Variants in SPRY3 observed in about 807,000 individuals in gnomAD.
SPRY3 encodes the protein protein sprouty homolog 3.
A neutral mutation model predicts 20.2 loss-of-function variants in SPRY3; 15 were observed. That is an observed-to-expected ratio of 0.74 (90% confidence interval 0.50 to 1.14). SPRY3 has a LOEUF of 1.14. SPRY3 is among the 50% of genes most tolerant of loss of function. SPRY3 has a pLI of 0.00. For synonymous variants in SPRY3, 143 were observed against 136.5 expected, an observed-to-expected ratio of 1.05 and a Z score of -0.33; for missense variants, 364 against 363.9, an observed-to-expected ratio of 1.00 and a Z score of 0.00.
chrX:155,766,550 C>T (rs2091331578), intron 2 of SPRY3, among the ~76,000 whole-genome samples: 1 of 152,158 alleles, frequency 6.6e-6, no homozygotes. Flanking sequence ...TGGCCAAGCT[C>T]CTGCCACTTG....
chrX:155,751,283 G>A (rs993607842), intron 2 of SPRY3, among the ~76,000 whole-genome samples: 4 of 151,874 alleles, frequency 2.6e-5, no homozygotes, highest in African/African-American at 9.7e-5. Flanking sequence ...CCACAGCACT[G>A]CCCTGATAAG....
chrX:155,733,450 C>A (rs1272366828), intron 2 of SPRY3, among the ~76,000 whole-genome samples: 1 of 149,670 alleles, frequency 6.7e-6, no homozygotes, highest in African/African-American at 2.5e-5. Context: ...TACTATGTAC[C>A]CACAAAAATT....
exon 4 of SPRY3, chrX:155,773,940 T>C (rs1256755774): frequency 6.2e-7 from 1 of 1,613,864 alleles, no homozygotes; most frequent in African/African-American, 1.3e-5. Context: ...CTACTCATGC[T>C]AGCAATGACT....
chrX:155,780,840 A>C (rs1240302688), downstream of SPRY3: 1 of 167,036 alleles, frequency 6.0e-6, no homozygotes, highest in Non-Finnish European at 1.5e-5. Context: ...GGGAAGTAAT[A>C]GTAAATGTGG....
At chrX:155,741,502 A>G (rs1214506650) in intron 2 of SPRY3, among the ~76,000 whole-genome samples, 1 of 152,080 alleles carries the variant, frequency 6.6e-6, no homozygotes, top group Non-Finnish European at 1.5e-5. Flanking sequence ...AATCCAGAGA[A>G]CCCCAGTAAG....
intron 2 of SPRY3, among the ~76,000 whole-genome samples, chrX:155,671,795 C>A (rs2068041650): frequency 9.0e-6 from 1 of 111,295 alleles, no homozygotes; most frequent in Non-Finnish European, 1.9e-5. Context: ...ATATTTAAGT[C>A]TTTAATCCAT....
chrX:155,769,798 G>C (rs1289411228), intron 3 of SPRY3, among the ~76,000 whole-genome samples: 2 of 152,208 alleles, frequency 1.3e-5, no homozygotes, highest in African/African-American at 2.4e-5. Flanking sequence ...GTTAAATGTG[G>C]TGAGAACCTG....
At chrX:155,617,591 G>A (rs1557349020) in intron 1 of SPRY3, among the ~76,000 whole-genome samples, 1 of 111,579 alleles carries the variant, frequency 9.0e-6, no homozygotes, top group East Asian at 2.8e-4. Flanking sequence ...TCAGAGCTCA[G>A]GGTAGCAGAA....
At chrX:155,621,788 A>G (rs2067871750) in intron 1 of SPRY3, among the ~76,000 whole-genome samples, 1 of 111,664 alleles carries the variant, frequency 9.0e-6, no homozygotes, top group African/African-American at 3.3e-5. Flanking sequence ...CAAGAGACTC[A>G]ATATATCTGG....
intron 2 of SPRY3, among the ~76,000 whole-genome samples, chrX:155,684,492 A>G (rs1324856245): frequency 8.9e-6 from 1 of 112,053 alleles, no homozygotes; most frequent in Non-Finnish European, 1.9e-5. Context: ...TACTAATTCA[A>G]TTGGAATGTA....
intron 2 of SPRY3, among the ~76,000 whole-genome samples, chrX:155,718,766 C>A (rs1318296341): frequency 6.6e-6 from 1 of 151,950 alleles, no homozygotes; most frequent in Non-Finnish European, 1.5e-5. Context: ...AGTATAAGAT[C>A]ATTTAAAAAA....
chrX:155,625,861 A>G (rs1557349901), intron 1 of SPRY3, among the ~76,000 whole-genome samples: 1 of 111,452 alleles, frequency 9.0e-6, no homozygotes, highest in African/African-American at 3.3e-5. Flanking sequence ...ACTGAGCATA[A>G]TGTTTTTAAG....
At chrX:155,682,754 T>C (rs1024026076) in intron 2 of SPRY3, among the ~76,000 whole-genome samples, 1 of 112,078 alleles carries the variant, frequency 8.9e-6, no homozygotes, top group African/African-American at 3.2e-5. Flanking sequence ...CATTTTTTAA[T>C]GCTACCGCTG....
chrX:155,736,182 T>C (rs2091168077), intron 2 of SPRY3, among the ~76,000 whole-genome samples: 1 of 152,166 alleles, frequency 6.6e-6, no homozygotes, highest in Non-Finnish European at 1.5e-5. Flanking sequence ...ATCATTGCTC[T>C]TATTATTTTG....
At chrX:155,669,609 A>G (rs2068034262) in intron 2 of SPRY3, 1 of 111,727 alleles carries the variant, frequency 9.0e-6, no homozygotes, top group Non-Finnish European at 1.9e-5. Flanking sequence ...AAAATAAGCT[A>G]TAATGAGCAA....
At chrX:155,665,468 TGAA>T (rs2068021807) in intron 2 of SPRY3, among the ~76,000 whole-genome samples, 1 of 110,904 alleles carries the variant, frequency 9.0e-6, no homozygotes, top group Admixed American at 9.6e-5. Context: ...ATCAGAGAAA[TGAA>T]GAAAAAAGCT....
chrX:155,646,320 G>T (rs1266983207), intron 1 of SPRY3, among the ~76,000 whole-genome samples: 2 of 111,965 alleles, frequency 1.8e-5, no homozygotes, highest in Non-Finnish European at 3.8e-5. Flanking sequence ...TTCTATTTCT[G>T]TAAAAAATGT....
intron 2 of SPRY3, among the ~76,000 whole-genome samples, chrX:155,743,028 A>C (rs1004911566): frequency 6.6e-5 from 10 of 152,234 alleles, no homozygotes; most frequent in African/African-American, 2.2e-4. Context: ...CAACAAAACC[A>C]GGAGCTGGTT....
At chrX:155,733,706 A>T (rs1376400600) in intron 2 of SPRY3, among the ~76,000 whole-genome samples, 2 of 152,094 alleles carry the variant, frequency 1.3e-5, no homozygotes, top group Non-Finnish European at 2.9e-5. Flanking sequence ...AAAGTTCTAG[A>T]TGGCATATTC....
Sources: gnomAD v4.1 joint callset for allele counts (sites outside exome capture counted in the v4.1 genomes callset) on GRCh38, gnomAD v4.1.1 for gene constraint, MANE v1.5 for transcripts, NCBI Gene and HGNC (gene_info 2026-07-23, HGNC 2026-07-21) for gene names.